Variants in PARD3 observed in about 807,000 individuals in gnomAD.
PARD3 encodes partitioning defective 3 homolog.
A neutral mutation model predicts 155.4 loss-of-function variants in PARD3; 75 were observed. The ratio of observed to expected loss-of-function variants is 0.48; its 90% CI spans 0.40 to 0.58. PARD3 has a LOEUF of 0.58. Among genes scored for constraint, PARD3 ranks in the 20% least tolerant of loss-of-function variants. The pLI, the probability that PARD3 is intolerant of heterozygous loss-of-function variation, is 0.00. For missense variants in PARD3, 1,642 were observed against 1,721.7 expected (o/e 0.95, Z 0.82); for synonymous variants, 576 against 610.5 (o/e 0.94, Z 0.83).
At chr10:34,765,328 A>G (rs557072389) in intron 1 of PARD3, among the ~76,000 whole-genome samples, 3 of 152,216 alleles carry the variant, frequency 2.0e-5, no homozygotes, top group Non-Finnish European at 4.4e-5. Flanking sequence ...CAGGAGAAAG[A>G]AAGCCACATT....
At chr10:34,229,117 C>T (rs1054704288) in intron 22 of PARD3, among the ~76,000 whole-genome samples, 2 of 152,130 alleles carry the variant, frequency 1.3e-5, no homozygotes, top group Non-Finnish European at 2.9e-5. Flanking sequence ...AACAGCCACA[C>T]GCCTAGCCAA....
intron 20 of PARD3, among the ~76,000 whole-genome samples, chr10:34,308,805 G>A (rs1234259783): frequency 1.3e-5 from 2 of 152,142 alleles, no homozygotes; most frequent in African/African-American, 2.4e-5. Flanking sequence ...AAAATTCTGT[G>A]TTACCAAAAA....
chr10:34,639,860 A>ACACACACACACACAC (rs2092611825), intron 2 of PARD3, among the ~76,000 whole-genome samples: 1 of 152,016 alleles, frequency 6.6e-6, no homozygotes, highest in Admixed American at 6.6e-5. Flanking sequence ...AGTAAGACAC[A>ACACACACACACACAC]CACACACACA....
chr10:34,438,202 C>T (rs2076283708), intron 5 of PARD3, among the ~76,000 whole-genome samples: 1 of 152,184 alleles, frequency 6.6e-6, no homozygotes, highest in African/African-American at 2.4e-5. Flanking sequence ...GAAGAAAGTT[C>T]ACAAACGATT....
chr10:34,763,009 T>G (rs1031212322), intron 1 of PARD3, among the ~76,000 whole-genome samples: 5 of 152,208 alleles, frequency 3.3e-5, no homozygotes, highest in African/African-American at 7.2e-5. Flanking sequence ...GAGGGACAGA[T>G]TCTATCAGAA....
chr10:34,630,802 G>GATTTATTTATTTATTT (rs111251881), intron 2 of PARD3, among the ~76,000 whole-genome samples: 5 of 146,134 alleles, frequency 3.4e-5, no homozygotes, highest in East Asian at 2.0e-4. Flanking sequence ...TCTGTAAACA[G>GATTTATTTATTTATTT]ATTTATTTAT....
intron 1 of PARD3, among the ~76,000 whole-genome samples, chr10:34,790,316 G>A (rs768821200): frequency 3.3e-5 from 5 of 152,122 alleles, no homozygotes; most frequent in Non-Finnish European, 5.9e-5. Flanking sequence ...TGATCCCCAG[G>A]GAGGCATGAA....
chr10:34,339,015 A>C (rs974948997), intron 16 of PARD3, among the ~76,000 whole-genome samples: 5 of 152,214 alleles, frequency 3.3e-5, no homozygotes, highest in Admixed American at 6.5e-5. Context: ...TTAGGTGTAA[A>C]TGGCTTATAT....
intron 5 of PARD3, among the ~76,000 whole-genome samples, chr10:34,432,251 G>A (rs532762072): frequency 2.0e-5 from 3 of 151,362 alleles, no homozygotes; most frequent in Admixed American, 6.6e-5. Context: ...TGGAGAGGGA[G>A]ACAAATATTA....
rs2093533978 is a variant in PARD3 at position 34,668,136 on chromosome 10, C to T, written c.222+28182G>A. ...ATGCAAGAAAAAAACAGCTAAGCAA[C>T]AAATAATTCCTCATCTGCAACAACT... On this transcript the variant is annotated intron_variant, in intron 2 of 24. Coordinates refer to ENST00000374788, the MANE Select transcript of PARD3 (RefSeq NM_001184785.2). 2.0e-5 allele frequency among the ~76,000 whole-genome samples: 3 copies of T among 152,180 alleles called. No individual in the cohort carries two copies. In the South Asian group the frequency reaches 6.2e-4, roughly 31 times the overall value.
intron 1 of PARD3, among the ~76,000 whole-genome samples, chr10:34,702,737 G>C (rs1034444745): frequency 1.1e-4 from 17 of 152,220 alleles, no homozygotes; most frequent in Non-Finnish European, 2.4e-4. Flanking sequence ...GAAAAGGCAG[G>C]GGGGAATCTG....
Position 34,265,505 on chromosome 10 carries a change from G to T in PARD3, c.3419+4152C>A, listed in dbSNP as rs139549110. Reference sequence around the variant, plus strand: ...CAGGCTACACATCAGACTGTCAACTGCCTGCATTCCCATGAAATCCAAAAA... The same window carrying T: ...CAGGCTACACATCAGACTGTCAACTTCCTGCATTCCCATGAAATCCAAAAA... On this transcript the variant is annotated intron_variant, in intron 22 of 24. Coordinates refer to ENST00000374788, the MANE Select transcript of PARD3 (RefSeq NM_001184785.2). Among the ~76,000 whole-genome samples, 850 of 152,266 alleles carry T rather than the reference G, an allele frequency of 5.6e-3. 11 individuals are homozygous for T. Among genetic ancestry groups the T allele is most frequent in the African/African-American group, 0.019 (808 of 41,562 alleles).
chr10:34,401,616 G>A (rs1343645186), intron 6 of PARD3, among the ~76,000 whole-genome samples: 2 of 152,052 alleles, frequency 1.3e-5, no homozygotes, highest in East Asian at 3.9e-4. Flanking sequence ...TGAAACTCAG[G>A]ACTGGTACAC....
At chr10:34,179,293 T>C (rs1226927396) in intron 22 of PARD3, among the ~76,000 whole-genome samples, 2 of 152,152 alleles carry the variant, frequency 1.3e-5, no homozygotes, top group Admixed American at 6.5e-5. Flanking sequence ...TCTGGAAGGA[T>C]AGCCCTCCAG....
At chr10:34,154,937 T>C (rs1948937931) in intron 22 of PARD3, among the ~76,000 whole-genome samples, 1 of 152,354 alleles carries the variant, frequency 6.6e-6, no homozygotes, top group Non-Finnish European at 1.5e-5. Context: ...AGGCATTATG[T>C]AAATTGTTGA....
At chr10:34,373,719 A>G (rs1031718355) in intron 11 of PARD3, among the ~76,000 whole-genome samples, 2 of 152,240 alleles carry the variant, frequency 1.3e-5, no homozygotes, top group South Asian at 2.1e-4. Flanking sequence ...TACTTAAAAC[A>G]AAAGTGTTCA....
At chr10:34,625,026 G>A (rs1389595106) in intron 2 of PARD3, among the ~76,000 whole-genome samples, 1 of 152,124 alleles carries the variant, frequency 6.6e-6, no homozygotes, top group African/African-American at 2.4e-5. Flanking sequence ...CCTCAGCCCT[G>A]GACAAGCTCA....
intron 3 of PARD3, among the ~76,000 whole-genome samples, chr10:34,479,160 ATTT>A (rs571846177): frequency 3.8e-5 from 5 of 131,780 alleles, no homozygotes; most frequent in Non-Finnish European, 4.8e-5. Context: ...CTCAAATTTA[ATTT>A]TTTTTTTTTT....
chr10:34,754,700 G>A (rs1836491367), intron 1 of PARD3, among the ~76,000 whole-genome samples: 1 of 152,086 alleles, frequency 6.6e-6, no homozygotes, highest in Admixed American at 6.5e-5. Flanking sequence ...AGGGTGAAAT[G>A]AAACTATGCC....
Sources: gnomAD v4.1 joint callset for allele counts (sites outside exome capture counted in the v4.1 genomes callset) on GRCh38, gnomAD v4.1.1 for gene constraint, MANE v1.5 for transcripts, NCBI Gene and HGNC (gene_info 2026-07-23, HGNC 2026-07-21) for gene names.